Variants in SGCD observed in about 807,000 individuals in gnomAD.
SGCD encodes the protein delta-sarcoglycan.
Under a neutral mutation model 36.6 loss-of-function variants are expected in SGCD, and 18 were observed. That is an observed-to-expected ratio of 0.49 (90% CI 0.34 to 0.73). SGCD has a LOEUF of 0.73. SGCD is among the 30% of genes least tolerant of loss of function. The probability of loss-of-function intolerance (pLI) is 0.01; values close to 1 mark genes in which losing one functional copy is unlikely to be tolerated. For synonymous variants in SGCD, 133 were observed against 130.6 expected, an observed-to-expected ratio of 1.02 and a Z score of -0.12; for missense variants, 387 against 346.7, an observed-to-expected ratio of 1.12 and a Z score of -0.92.
intron 1 of SGCD, among the ~76,000 whole-genome samples, chr5:155,925,640 G>A (rs1756980852): frequency 6.6e-6 from 1 of 152,142 alleles, no homozygotes; most frequent in African/African-American, 2.4e-5. Flanking sequence ...TGTTGAGGCA[G>A]GATCTTGCTC....
At chr5:156,723,768 A>G (rs1755627788) in intron 7 of SGCD, among the ~76,000 whole-genome samples, 1 of 152,174 alleles carries the variant, frequency 6.6e-6, no homozygotes, top group South Asian at 2.1e-4. Flanking sequence ...AAATCCAGAC[A>G]ACGCAGGGCT....
chr5:155,917,929 A>G (rs1205486179), intron 1 of SGCD, among the ~76,000 whole-genome samples: 2 of 152,168 alleles, frequency 1.3e-5, no homozygotes, highest in Non-Finnish European at 2.9e-5. Flanking sequence ...CCCTTGAAGC[A>G]GGAGTTAATG....
At chr5:155,995,052 G>C (rs1241610747) in intron 1 of SGCD, among the ~76,000 whole-genome samples, 1 of 152,084 alleles carries the variant, frequency 6.6e-6, no homozygotes, top group African/African-American at 2.4e-5. Flanking sequence ...AAAGGCCCAC[G>C]GGCCCTAGGT....
At chr5:156,006,227 C>G (rs772275547) in intron 1 of SGCD, among the ~76,000 whole-genome samples, 1 of 152,172 alleles carries the variant, frequency 6.6e-6, no homozygotes, top group Non-Finnish European at 1.5e-5. Context: ...TCAGTGACTG[C>G]TAATATTTCA....
At chr5:155,946,621 AAAGT>A (rs1757442762) in intron 1 of SGCD, among the ~76,000 whole-genome samples, 1 of 152,184 alleles carries the variant, frequency 6.6e-6, no homozygotes, top group African/African-American at 2.4e-5. Context: ...CATCTTAATC[AAAGT>A]AAGTTTTCAT....
intron 1 of SGCD, among the ~76,000 whole-genome samples, chr5:156,077,757 A>G (rs1363988430): frequency 1.3e-5 from 2 of 152,092 alleles, no homozygotes; most frequent in Non-Finnish European, 2.9e-5. Flanking sequence ...CTGCCTGGAA[A>G]TCCCATCTCC....
intron 3 of SGCD, among the ~76,000 whole-genome samples, chr5:156,487,813 A>AAAAAAAAAAAAAAAGAAAAAG (rs1554107842): frequency 1.2e-4 from 9 of 77,814 alleles, no homozygotes; most frequent in East Asian, 4.4e-4. Flanking sequence ...AAAAAAAAAA[A>AAAAAAAAAAAAAAAGAAAAAG]AAAGAAAGAA....
intron 3 of SGCD, among the ~76,000 whole-genome samples, chr5:156,502,031 A>G (rs1209619282): frequency 5.3e-5 from 8 of 150,340 alleles, no homozygotes; most frequent in African/African-American, 1.7e-4. Context: ...TAGGAATGAT[A>G]TTCTCTCTTT....
intron 3 of SGCD, among the ~76,000 whole-genome samples, chr5:156,391,355 A>G (rs955347096): frequency 1.3e-4 from 20 of 152,264 alleles, no homozygotes; most frequent in African/African-American, 4.3e-4. Context: ...CTAATGATGC[A>G]TTCCTCAGAA....
intron 1 of SGCD, among the ~76,000 whole-genome samples, chr5:156,078,852 G>C (rs1468841409): frequency 6.6e-6 from 1 of 150,696 alleles, no homozygotes; most frequent in South Asian, 2.1e-4. Context: ...ACTTATTTGT[G>C]TGTATATGTT....
At chr5:155,895,862 C>T (rs1443185166) in intron 1 of SGCD, among the ~76,000 whole-genome samples, 1 of 152,132 alleles carries the variant, frequency 6.6e-6, no homozygotes, top group African/African-American at 2.4e-5. Context: ...CAAAGTGAAG[C>T]CTCATAGAGC....
intron 3 of SGCD, among the ~76,000 whole-genome samples, chr5:156,173,925 TAA>T (rs1318654415): frequency 1.3e-5 from 2 of 152,186 alleles, no homozygotes; most frequent in African/African-American, 4.8e-5. Context: ...ATGTGACTTA[TAA>T]AGTCAGGAAA....
chr5:156,648,328 C>A (rs534091959), intron 7 of SGCD, among the ~76,000 whole-genome samples: 1 of 150,894 alleles, frequency 6.6e-6, no homozygotes, highest in East Asian at 2.0e-4. Flanking sequence ...ATATATGGCA[C>A]TGAATAACTG....
At chr5:156,483,618 C>A (rs1465560886) in intron 3 of SGCD, among the ~76,000 whole-genome samples, 2 of 152,218 alleles carry the variant, frequency 1.3e-5, no homozygotes, top group Admixed American at 1.3e-4. Flanking sequence ...CGGATTATTT[C>A]TTTTCTTCTG....
chr5:156,041,063 T>G (rs1759621031), intron 1 of SGCD, among the ~76,000 whole-genome samples: 1 of 152,220 alleles, frequency 6.6e-6, no homozygotes, highest in Admixed American at 6.5e-5. Flanking sequence ...AAATAGTGTT[T>G]TTTTCCAGTA....
intron 1 of SGCD, among the ~76,000 whole-genome samples, chr5:155,975,218 T>C (rs576211049): frequency 6.6e-6 from 1 of 152,300 alleles, no homozygotes; most frequent in South Asian, 2.1e-4. Flanking sequence ...TGCACCATCA[T>C]CACCATCACA....
At chr5:155,844,698 A>G in the SGCD span, among the ~76,000 whole-genome samples, 56 of 152,306 alleles carry the variant, frequency 3.7e-4, 1 homozygote, top group South Asian at 0.011. Flanking sequence ...AATGCTGGCC[A>G]TAGAATGGAA....
At chr5:155,955,646 GT>G (rs1257075553) in intron 1 of SGCD, among the ~76,000 whole-genome samples, 1 of 152,116 alleles carries the variant, frequency 6.6e-6, no homozygotes, top group Non-Finnish European at 1.5e-5. Context: ...TCTGTTGCGT[GT>G]TTGTGTGTGG....
chr5:155,747,493 A>C, the SGCD span, among the ~76,000 whole-genome samples: 1 of 152,320 alleles, frequency 6.6e-6, no homozygotes. Context: ...CTGCAGAACT[A>C]TCAGTCTTTT....
Sources: gnomAD v4.1 joint callset for allele counts (sites outside exome capture counted in the v4.1 genomes callset) on GRCh38, gnomAD v4.1.1 for gene constraint, MANE v1.5 for transcripts, NCBI Gene and HGNC (gene_info 2026-07-23, HGNC 2026-07-21) for gene names.